Variants in ZNF487 observed in about 807,000 individuals in gnomAD.
ZNF487 encodes zinc finger protein 487.
A neutral mutation model predicts 3.0 loss-of-function variants in ZNF487; 4 were observed. That is an observed-to-expected ratio of 1.35 (90% CI 0.66 to 3.08). ZNF487 has a LOEUF of 3.08. Among genes scored for constraint, ZNF487 ranks in the 30% most tolerant of loss-of-function variants. ZNF487 has a pLI of 0.01. For missense variants in ZNF487, 146 were observed against 98.7 expected, an observed-to-expected ratio of 1.48 and a Z score of -2.03; for synonymous variants, 55 against 34.6, an observed-to-expected ratio of 1.59 and a Z score of -2.06.
the ZNF487 span, among the ~76,000 whole-genome samples, chr10:43,498,270 A>T: frequency 4.7e-5 from 5 of 107,120 alleles, 1 homozygote; most frequent in Non-Finnish European, 9.0e-5. Context: ...ATATATATAT[A>T]TATATTTTTT....
intron 1 of ZNF487, among the ~76,000 whole-genome samples, chr10:43,457,568 A>G (rs1031601285): frequency 6.6e-6 from 1 of 150,910 alleles, no homozygotes; most frequent in African/African-American, 2.4e-5. Flanking sequence ...GAAAAAAAAA[A>G]AAAAAAAAGA....
chr10:43,516,931 T>G, the ZNF487 span, among the ~76,000 whole-genome samples: 3 of 152,180 alleles, frequency 2.0e-5, no homozygotes, highest in Non-Finnish European at 4.4e-5. Context: ...AGGCTGTAGT[T>G]TTCCTTCATC....
intron 2 of ZNF487, 25 bp from the exon 3 acceptor site, chr10:43,476,082 C>G (rs774756998): frequency 1.4e-6 from 1 of 716,252 alleles, no homozygotes; most frequent in Non-Finnish European, 2.6e-6. Flanking sequence ...ATCTGGCCCA[C>G]GTCCTGTGTC....
At chr10:43,484,997 A>G (rs1233868362), downstream of ZNF487, among the ~76,000 whole-genome samples, 1 of 152,254 alleles carries the variant, frequency 6.6e-6, no homozygotes, top group African/African-American at 2.4e-5. Flanking sequence ...ATCTGGTCAT[A>G]GAGATGTCTC....
chr10:43,514,516 G>A, the ZNF487 span, among the ~76,000 whole-genome samples: 10 of 152,252 alleles, frequency 6.6e-5, no homozygotes, highest in East Asian at 1.7e-3. Flanking sequence ...AAATTAAGTA[G>A]GAATGCAGTA....
the ZNF487 span, among the ~76,000 whole-genome samples, chr10:43,522,949 T>TG: frequency 6.6e-6 from 1 of 152,204 alleles, no homozygotes. Flanking sequence ...TTCCCCTTCA[T>TG]GCCTCTACCA....
chr10:43,470,022 A>G (rs565834574), intron 1 of ZNF487, among the ~76,000 whole-genome samples: 1 of 152,306 alleles, frequency 6.6e-6, no homozygotes, highest in Admixed American at 6.5e-5. Context: ...AATAGACTAT[A>G]GTATAGTGAA....
At chr10:43,503,708 C>A in the ZNF487 span, among the ~76,000 whole-genome samples, 211 of 152,224 alleles carry the variant, frequency 1.4e-3, 1 homozygote, top group African/African-American at 4.8e-3. Flanking sequence ...TGGGCTCAAT[C>A]GATCCTCCCA....
At chr10:43,509,665 G>A in the ZNF487 span, among the ~76,000 whole-genome samples, 1 of 151,892 alleles carries the variant, frequency 6.6e-6, no homozygotes, top group African/African-American at 2.4e-5. Flanking sequence ...GGGAGGCTAG[G>A]CCAGTCTCTC....
chr10:43,496,772 C>T, the ZNF487 span, among the ~76,000 whole-genome samples: 1 of 152,064 alleles, frequency 6.6e-6, no homozygotes, highest in South Asian at 2.1e-4. Context: ...TTGCAGACTG[C>T]CAATGTCACG....
chr10:43,496,800 G>GGA, the ZNF487 span, among the ~76,000 whole-genome samples: 1 of 152,020 alleles, frequency 6.6e-6, no homozygotes, highest in African/African-American at 2.4e-5. Context: ...CTCACATAGT[G>GGA]GAGAGAGAGA....
intron 1 of ZNF487, among the ~76,000 whole-genome samples, chr10:43,440,071 G>T (rs571618270): frequency 2.3e-5 from 3 of 131,494 alleles, no homozygotes; most frequent in African/African-American, 8.0e-5. Flanking sequence ...TTTTTGAGGC[G>T]AAGTTTCACT....
the ZNF487 span, among the ~76,000 whole-genome samples, chr10:43,509,563 C>A: frequency 6.6e-6 from 1 of 151,262 alleles, no homozygotes; most frequent in African/African-American, 2.4e-5. Context: ...GCAAGGAGAA[C>A]CAGTCCAACT....
At chr10:43,492,526 A>C in the ZNF487 span, among the ~76,000 whole-genome samples, 2 of 151,366 alleles carry the variant, frequency 1.3e-5, no homozygotes, top group Non-Finnish European at 2.9e-5. Flanking sequence ...ATCTCGGCTC[A>C]CTGCAAGCTC....
chr10:43,491,087 C>A, the ZNF487 span, among the ~76,000 whole-genome samples: 69,373 of 149,806 alleles, frequency 0.46, 18,532 homozygotes, highest in East Asian at 0.73. Flanking sequence ...CTGCCTCAGC[C>A]TCCTGAGTAG....
At chr10:43,493,709 A>AAAAAATATAT in the ZNF487 span, among the ~76,000 whole-genome samples, 1 of 43,720 alleles carries the variant, frequency 2.3e-5, no homozygotes, top group African/African-American at 8.7e-5. Flanking sequence ...AAAAAAAAAA[A>AAAAAATATAT]ATATATATAT....
chr10:43,456,498 C>T (rs1840208467), intron 1 of ZNF487, among the ~76,000 whole-genome samples: 1 of 152,190 alleles, frequency 6.6e-6, no homozygotes, highest in African/African-American at 2.4e-5. Context: ...TAGGGTTAGG[C>T]TTGCCCAGGA....
chr10:43,446,762 C>T (rs1186501683), intron 1 of ZNF487, among the ~76,000 whole-genome samples: 1 of 152,156 alleles, frequency 6.6e-6, no homozygotes, highest in Admixed American at 6.5e-5. Flanking sequence ...GGCGGCCAGG[C>T]AGAGACGCTC....
chr10:43,517,576 T>C, the ZNF487 span, among the ~76,000 whole-genome samples: 1 of 152,194 alleles, frequency 6.6e-6, no homozygotes, highest in African/African-American at 2.4e-5. Flanking sequence ...GACATTGCAC[T>C]GTACATCATT....
Sources: allele counts gnomAD v4.1 joint callset (sites outside exome capture counted in the v4.1 genomes callset), GRCh38; gene constraint gnomAD v4.1.1; transcripts MANE v1.5; gene names NCBI Gene and HGNC (gene_info 2026-07-23, HGNC 2026-07-21).